Variants in RGS7 observed in about 807,000 individuals in gnomAD.
RGS7 encodes the protein regulator of G protein signaling 7, also known as regulator of G-protein signaling 7.
RGS7 carries 27 observed loss-of-function variants against 81.1 expected under a neutral mutation model. That is an observed-to-expected ratio of 0.33 (90% confidence interval 0.25 to 0.46). The LOEUF (loss-of-function observed/expected upper bound fraction) is 0.46, where lower values mean the gene tolerates loss of function less well. Ranked by LOEUF, RGS7 falls within the 20% of genes least tolerant of loss-of-function variation. The probability of loss-of-function intolerance (pLI) is 1.00; values close to 1 mark genes in which losing one functional copy is unlikely to be tolerated. For synonymous variants in RGS7, 208 were observed against 207.7 expected (o/e 1.00, Z -0.01); for missense variants, 396 against 607.4 (o/e 0.65, Z 3.66).
chr1:241,063,448 C>A (rs2061851462), intron 3 of RGS7, among the ~76,000 whole-genome samples: 1 of 152,180 alleles, frequency 6.6e-6, no homozygotes, highest in African/African-American at 2.4e-5. Flanking sequence ...GGCTTCCACA[C>A]AGAGATTCAG....
chr1:241,149,095 A>G (rs899245334), intron 2 of RGS7, among the ~76,000 whole-genome samples: 1 of 152,220 alleles, frequency 6.6e-6, no homozygotes, highest in South Asian at 2.1e-4. Flanking sequence ...AGTGTTAGCT[A>G]TATACACAGC....
intron 6 of RGS7, among the ~76,000 whole-genome samples, chr1:240,896,567 C>A (rs1669126327): frequency 6.6e-6 from 1 of 152,102 alleles, no homozygotes; most frequent in Admixed American, 6.5e-5. Flanking sequence ...TTGTTTTTGT[C>A]AGGTTTGTCA....
At chr1:241,327,125 A>C (rs2081620939) in intron 2 of RGS7, among the ~76,000 whole-genome samples, 1 of 112,792 alleles carries the variant, frequency 8.9e-6, no homozygotes, top group Non-Finnish European at 2.0e-5. Context: ...AAAGAAAGAA[A>C]GAAAGAAAGA....
intron 2 of RGS7, among the ~76,000 whole-genome samples, chr1:241,217,385 G>A (rs1268747590): frequency 6.6e-6 from 1 of 152,156 alleles, no homozygotes; most frequent in African/African-American, 2.4e-5. Flanking sequence ...TGCTGTGGCA[G>A]CTGAGCAGAC....
At chr1:240,996,512 G>A (rs548964806) in intron 3 of RGS7, among the ~76,000 whole-genome samples, 18 of 152,210 alleles carry the variant, frequency 1.2e-4, no homozygotes, top group East Asian at 7.7e-4. Flanking sequence ...AGTTTGCTAC[G>A]TCTTCTTGGA....
intron 18 of RGS7, among the ~76,000 whole-genome samples, chr1:240,780,839 G>A (rs528122331): frequency 6.0e-5 from 9 of 151,124 alleles, no homozygotes; most frequent in African/African-American, 1.5e-4. Flanking sequence ...GCTTGAATCC[G>A]GGAGGTGGAG....
At chr1:241,267,920 G>C (rs983565257) in intron 2 of RGS7, among the ~76,000 whole-genome samples, 1 of 151,988 alleles carries the variant, frequency 6.6e-6, no homozygotes, top group Non-Finnish European at 1.5e-5. Context: ...ACTTCAGTTG[G>C]TTTATTTTAG....
chr1:241,224,746 C>T (rs1227646291), intron 2 of RGS7, among the ~76,000 whole-genome samples: 1 of 152,150 alleles, frequency 6.6e-6, no homozygotes, highest in Non-Finnish European at 1.5e-5. Flanking sequence ...TTTAGCTCCT[C>T]CCATAGTCAA....
chr1:240,819,405 T>C (rs1340823789), intron 10 of RGS7, among the ~76,000 whole-genome samples: 1 of 152,212 alleles, frequency 6.6e-6, no homozygotes, highest in Non-Finnish European at 1.5e-5. Context: ...TACATTTCTA[T>C]AATGATTTCA....
chr1:240,999,560 A>G (rs137908817), intron 3 of RGS7, among the ~76,000 whole-genome samples: 38 of 152,130 alleles, frequency 2.5e-4, no homozygotes, highest in African/African-American at 8.9e-4. Context: ...TATTTTTTCC[A>G]TTTAGTTAGA....
At chr1:240,862,964 T>C (rs1049784899) in intron 9 of RGS7, among the ~76,000 whole-genome samples, 1 of 151,882 alleles carries the variant, frequency 6.6e-6, no homozygotes, top group African/African-American at 2.4e-5. Context: ...TGTTTGTGTG[T>C]GTATTTTAGA....
intron 9 of RGS7, among the ~76,000 whole-genome samples, chr1:240,851,592 A>G (rs889613801): frequency 2.2e-4 from 33 of 152,236 alleles, no homozygotes; most frequent in Non-Finnish European, 3.7e-4. Flanking sequence ...GCTATTGTAG[A>G]TGATCAGATT....
chr1:241,292,649 C>T (rs2079153653), intron 2 of RGS7, among the ~76,000 whole-genome samples: 1 of 152,180 alleles, frequency 6.6e-6, no homozygotes, highest in Non-Finnish European at 1.5e-5. Context: ...CCTAGGAAAA[C>T]ACTGTGAGCA....
intron 2 of RGS7, among the ~76,000 whole-genome samples, chr1:241,199,767 T>C (rs951532498): frequency 4.0e-5 from 6 of 151,570 alleles, no homozygotes; most frequent in African/African-American, 1.5e-4. Context: ...AAAATAAATA[T>C]AGTTACTCTG....
intron 6 of RGS7, among the ~76,000 whole-genome samples, chr1:240,905,322 A>C (rs1176025059): frequency 6.6e-6 from 1 of 152,218 alleles, no homozygotes; most frequent in Non-Finnish European, 1.5e-5. Context: ...AGAATATGTA[A>C]AAGAACCCTT....
rs867190764 is a variant in RGS7, at chr1:241,327,044, G to A, written c.78+28655C>T. Among the ~76,000 whole-genome samples the A allele has an allele frequency of 6.9e-3, 113 of 16,480 alleles. 4 individuals are homozygous for A. Among genetic ancestry groups the A allele is most frequent in the African/African-American group, 0.015 (59 of 3,966 alleles). 10.8% of individuals were successfully genotyped at this position (16,480 alleles called of 152,430 possible). ...GAAGGAAGGAAGGAAGGAAGGGAGG[G>A]AGGGGAAAGGAAGGAAGAAGGAAGG... is the stretch of plus-strand genomic sequence containing the variant. On this transcript the variant is annotated intron_variant, in intron 2 of 18. Coordinates refer to ENST00000440928, the MANE Select transcript of RGS7 (RefSeq NM_001364886.1).
intron 13 of RGS7, among the ~76,000 whole-genome samples, 184 bp downstream of exon 13, chr1:240,813,434 C>T (rs75034590): frequency 3.0e-5 from 2 of 66,012 alleles, no homozygotes; most frequent in Non-Finnish European, 8.4e-5. Context: ...AAATGCAAAT[C>T]TTAATGCAAA....
chr1:240,958,473 T>C (rs879281512), intron 4 of RGS7, among the ~76,000 whole-genome samples: 1 of 152,168 alleles, frequency 6.6e-6, no homozygotes, highest in African/African-American at 2.4e-5. Context: ...TGCTTGAAAA[T>C]AATTTCAGCT....
chr1:240,803,895 A>G (rs1322886630), intron 15 of RGS7, among the ~76,000 whole-genome samples: 3 of 152,004 alleles, frequency 2.0e-5, no homozygotes, highest in Non-Finnish European at 2.9e-5. Context: ...GTTTCAAGAA[A>G]TGACTCCAGT....
Sources: allele counts gnomAD v4.1 joint callset (sites outside exome capture counted in the v4.1 genomes callset), GRCh38; gene constraint gnomAD v4.1.1; transcripts MANE v1.5; gene names NCBI Gene and HGNC (gene_info 2026-07-23, HGNC 2026-07-21).